PLD5: variants seen among roughly 807,000 people sequenced by gnomAD.
PLD5 encodes the protein inactive phospholipase D5.
Under a neutral mutation model 61.1 loss-of-function variants are expected in PLD5, and 36 were observed. The ratio of observed to expected loss-of-function variants is 0.59; its 90% confidence interval spans 0.45 to 0.78. The LOEUF (loss-of-function observed/expected upper bound fraction) is 0.78. PLD5 is among the 30% of genes least tolerant of loss of function. The probability of loss-of-function intolerance (pLI) is 0.00; values close to 1 mark genes in which losing one functional copy is unlikely to be tolerated. For synonymous variants in PLD5, 243 were observed against 242.8 expected (o/e 1.00, Z -0.01); for missense variants, 515 against 644.4 (o/e 0.80, Z 2.17).
At chr1:242,186,094 A>G (rs1667857925) in intron 5 of PLD5, among the ~76,000 whole-genome samples, 1 of 152,104 alleles carries the variant, frequency 6.6e-6, no homozygotes, top group African/African-American at 2.4e-5. Flanking sequence ...ATATCAATTC[A>G]ATTTTAATAT....
At chr1:242,101,935 C>T (rs771815007) in intron 8 of PLD5, among the ~76,000 whole-genome samples, 12 of 152,156 alleles carry the variant, frequency 7.9e-5, no homozygotes, top group Non-Finnish European at 5.9e-5. Context: ...CAGGTAAACA[C>T]ATTATCTGTG....
At chr1:242,393,071 A>G (rs28658049) in intron 1 of PLD5, among the ~76,000 whole-genome samples, 3,829 of 126,806 alleles carry the variant, frequency 0.03, 108 homozygotes, top group East Asian at 0.11. Flanking sequence ...GGGTGTGGGG[A>G]TGCGTGCCTG....
intron 5 of PLD5, among the ~76,000 whole-genome samples, chr1:242,183,125 AGT>A (rs1667628217): frequency 6.6e-6 from 1 of 152,246 alleles, no homozygotes; most frequent in Admixed American, 6.5e-5. Context: ...CTTTATTAAA[AGT>A]ATGATTTCTC....
At position 242,189,760 on chromosome 1, in the gene PLD5, G is replaced by T. The variant is rs1056961590; in HGVS notation, c.735+30228C>A. ...GGAGGTCAGTGCAGGCTGCTCTGAG[G>T]GGGCAGCACTGAGCACAGGCTAAAT... is the stretch of plus-strand genomic sequence containing the variant. On this transcript the variant is annotated intron_variant, in intron 5 of 9. Coordinates refer to ENST00000536534, the MANE Select transcript of PLD5 (RefSeq NM_001372062.1). Among the ~76,000 whole-genome samples, 10 of 152,286 alleles carry T rather than the reference G, an allele frequency of 6.6e-5. No homozygotes were observed. In the East Asian group the frequency reaches 1.5e-3, roughly 24 times the overall value.
chr1:242,422,393 A>G (rs569672347), intron 1 of PLD5, among the ~76,000 whole-genome samples: 2 of 152,348 alleles, frequency 1.3e-5, no homozygotes, highest in East Asian at 3.9e-4. Flanking sequence ...CTTTACACAG[A>G]TAATTTGAAA....
chr1:242,098,920 G>A (rs1016187370), intron 9 of PLD5, among the ~76,000 whole-genome samples: 2 of 152,140 alleles, frequency 1.3e-5, no homozygotes, highest in African/African-American at 4.8e-5. Context: ...TCCTCTGGAA[G>A]TTTTGTCTCA....
At chr1:242,392,818 CA>C (rs995547746) in intron 1 of PLD5, among the ~76,000 whole-genome samples, 1 of 152,130 alleles carries the variant, frequency 6.6e-6, no homozygotes, top group African/African-American at 2.4e-5. Flanking sequence ...AGTTTGAAAA[CA>C]GGAGCATTTG....
intron 5 of PLD5, among the ~76,000 whole-genome samples, chr1:242,167,467 C>T (rs557317041): frequency 3.3e-5 from 5 of 152,150 alleles, no homozygotes; most frequent in Admixed American, 2.0e-4. Flanking sequence ...ATGGGAAAAA[C>T]CCATCTCTGT....
chr1:242,120,854 A>G (rs887748727), intron 6 of PLD5, among the ~76,000 whole-genome samples: 2 of 152,230 alleles, frequency 1.3e-5, no homozygotes, highest in Admixed American at 6.5e-5. Context: ...ATCTGGCCCA[A>G]GTTACTAGAA....
chr1:242,322,371 C>T (rs1377576777), intron 2 of PLD5, among the ~76,000 whole-genome samples: 6 of 152,222 alleles, frequency 3.9e-5, no homozygotes, highest in Admixed American at 3.3e-4. Flanking sequence ...TGTCCAAAAT[C>T]CACAGACTCT....
At chr1:242,468,376 A>T (rs1667339810) in intron 1 of PLD5, among the ~76,000 whole-genome samples, 1 of 152,124 alleles carries the variant, frequency 6.6e-6, no homozygotes. Flanking sequence ...TATTTTTTTC[A>T]TTGCAAAGTG....
chr1:242,118,671 A>G (rs1020720573), intron 6 of PLD5, among the ~76,000 whole-genome samples: 31 of 152,198 alleles, frequency 2.0e-4, no homozygotes, highest in African/African-American at 7.5e-4. Flanking sequence ...GTTTATAAGC[A>G]CTGACCTGCC....
intron 4 of PLD5, among the ~76,000 whole-genome samples, chr1:242,224,453 G>A (rs2149019574): frequency 6.6e-6 from 1 of 151,662 alleles, no homozygotes; most frequent in East Asian, 1.9e-4. Flanking sequence ...TTATTTTTAT[G>A]ACCCAGAAAA....
Position 242,409,613 on chromosome 1 carries a change from G to C in PLD5, c.190-61371C>G, listed in dbSNP as rs1247101725. 2.0e-5 allele frequency among the ~76,000 whole-genome samples: 3 copies of C among 152,282 alleles called. No homozygotes were observed. In the East Asian group the frequency reaches 5.8e-4, roughly 29 times the overall value. The stretch of plus-strand genomic sequence containing the variant: ...GAAGGAAGAAGCTCCCCCATACAGA[G>C]AGGGAAGGACAGGGGGCTCCAAACC... On this transcript the variant is annotated intron_variant, in intron 1 of 9. Transcript: ENST00000536534.
intron 6 of PLD5, among the ~76,000 whole-genome samples, chr1:242,121,301 G>T (rs1231141259): frequency 6.6e-6 from 1 of 152,140 alleles, no homozygotes; most frequent in Non-Finnish European, 1.5e-5. Context: ...TAATAAAATG[G>T]TGGGAAAGAT....
chr1:242,232,538 T>C (rs1671375244), intron 4 of PLD5, among the ~76,000 whole-genome samples: 1 of 152,020 alleles, frequency 6.6e-6, no homozygotes, highest in South Asian at 2.1e-4. Context: ...TTTGAGTATA[T>C]ATAATTGAAG....
chr1:242,243,462 T>A (rs934322615), intron 4 of PLD5, among the ~76,000 whole-genome samples: 3 of 152,176 alleles, frequency 2.0e-5, no homozygotes, highest in Admixed American at 1.3e-4. Context: ...TGTACATAAT[T>A]CAGGAAGAGA....
chr1:242,306,227 G>C (rs1676340336), intron 2 of PLD5, among the ~76,000 whole-genome samples: 1 of 148,044 alleles, frequency 6.8e-6, no homozygotes, highest in South Asian at 2.2e-4. Flanking sequence ...TCAGGGCTGA[G>C]ACTGAATTCC....
chr1:242,148,965 AGAG>A (rs1339029733), intron 5 of PLD5, among the ~76,000 whole-genome samples: 2 of 64,458 alleles, frequency 3.1e-5, no homozygotes, highest in East Asian at 7.8e-4. Context: ...GCAAATAGAG[AGAG>A]TTTTATTTCA....
Sources: allele counts gnomAD v4.1 joint callset (sites outside exome capture counted in the v4.1 genomes callset), GRCh38; gene constraint gnomAD v4.1.1; transcripts MANE v1.5; gene names NCBI Gene and HGNC (gene_info 2026-07-23, HGNC 2026-07-21).